Variants in PRLH observed in about 807,000 individuals in gnomAD.
PRLH encodes prolactin releasing hormone.
A neutral mutation model predicts 3.2 loss-of-function variants in PRLH; 6 were observed. The observed-to-expected ratio is 1.86, with a 90% CI of 1.02 to 3.66. The LOEUF (loss-of-function observed/expected upper bound fraction) is 3.66, where lower values mean the gene tolerates loss of function less well. PRLH is among the 30% of genes most tolerant of loss of function. The pLI is 0.00. For missense variants in PRLH, 145 were observed against 122.6 expected (o/e 1.18, Z -0.86); for synonymous variants, 65 against 51.1 (o/e 1.27, Z -1.16).
intron 1 of PRLH, 138 bp from the exon 2 acceptor site, chr2:237,566,874 G>A: frequency 7.5e-7 from 1 of 1,335,752 alleles, no homozygotes; most frequent in Non-Finnish European, 1.0e-6. Flanking sequence ...CTGGGTGCCT[G>A]TTCCTCGGGT....
rs1178958498 is a variant in PRLH at position 237,566,679 on chromosome 2, T to C, written c.100+6T>C. On this transcript the variant is annotated splice_donor_region_variant and intron_variant, in intron 1 of 1. Transcript: ENST00000165524. ...GCACTCCATGGAGATCCGCAGTGAG[T>C]GCCTGGACCCCTGTCAGCCTCCCTT... The C allele has an allele frequency of 1.9e-6, 3 of 1,550,730 alleles. No individual in the cohort carries two copies. In the South Asian group the frequency reaches 3.6e-5, roughly 18 times the overall value.
rs999502941 is a variant in PRLH at position 237,567,112 on chromosome 2, C to T, written c.201C>T (p.Gly67=). 6.2e-7 allele frequency: 1 copy of T among 1,614,092 alleles called. No individual in the cohort carries two copies. Reference sequence around the variant, plus strand: ...CCCTGGGGGACGTCCCCAAGCCTGGCCTGCGACCCCGGCTGACCTGCTTCC... The same window carrying T: ...CCCTGGGGGACGTCCCCAAGCCTGGTCTGCGACCCCGGCTGACCTGCTTCC... ...RATLGDVPKP[G]LRPRLTCFPL... Residue 67 remains glycine (G), a synonymous_variant, in exon 2 of 2, where the codon GGC becomes GGT. Coordinates refer to ENST00000165524, the MANE Select transcript of PRLH (RefSeq NM_015893.1).
chr2:237,566,678 G>A lies in PRLH; in HGVS notation c.100+5G>A. ...GGCACTCCATGGAGATCCGCAGTGA[G>A]TGCCTGGACCCCTGTCAGCCTCCCT... is the stretch of plus-strand genomic sequence containing the variant. On this transcript the variant is annotated splice_donor_5th_base_variant and intron_variant, in intron 1 of 1. Coordinates refer to ENST00000165524, the MANE Select transcript of PRLH (RefSeq NM_015893.1). 3 of 1,551,562 alleles carry A rather than the reference G, an allele frequency of 1.9e-6. No individual in the cohort carries two copies. The highest frequency in any genetic ancestry group is 2.6e-6 in the Non-Finnish European group (3 of 1,148,896).
Position 237,567,146 on chromosome 2 carries a change from G to T in PRLH, c.235G>T (p.Gly79Cys). The change falls in exon 2 of 2, where the codon GGC (glycine) becomes TGC (cysteine). Residue 79 changes from glycine (G) to cysteine (C), a missense_variant. By Grantham distance (159) the Gly-to-Cys change is radical (BLOSUM62 -3). Transcript: ENST00000165524. ...CCGGCTGACCTGCTTCCCCCTGGAA[G>T]GCGGTGCTATGTCGTCCCAGGATGG... ...RPRLTCFPLE[G>C]GAMSSQDG The T allele has an allele frequency of 6.2e-7, 1 of 1,613,716 alleles. No homozygotes were observed. Among genetic ancestry groups the T allele is most frequent in the Non-Finnish European group, 8.5e-7 (1 of 1,179,814 alleles).
chr2:237,566,813 C>A, intron 1 of PRLH, 140 bp downstream of exon 1: 1 of 1,138,328 alleles, frequency 8.8e-7, no homozygotes, highest in Non-Finnish European at 1.2e-6. Context: ...CTTTTTTGAA[C>A]TCCTGCTTCC....
rs769163724 is a variant in PRLH, at chr2:237,566,643, C to T, written c.70C>T (p.Arg24Cys). The T allele has an allele frequency of 4.5e-6, 7 of 1,569,500 alleles. No homozygotes were observed. Among genetic ancestry groups the T allele is most frequent in the Non-Finnish European group, 6.0e-6 (7 of 1,158,116 alleles). Reference protein sequence around the residue: ...LGLALRGAASRTHRHSMEIRT... With the variant: ...LGLALRGAASCTHRHSMEIRT... The stretch of plus-strand genomic sequence containing the variant: ...CCTGGCCCTGCGGGGAGCTGCAAGT[C>T]GTACCCATCGGCACTCCATGGAGAT... The change falls in exon 1 of 2, where the codon CGT (arginine) becomes TGT (cysteine). Residue 24 changes from arginine (R) to cysteine (C), a missense_variant. Transcript: ENST00000165524.
chr2:237,566,752 G>A, intron 1 of PRLH, 79 bp downstream of exon 1: 1 of 1,402,374 alleles, frequency 7.1e-7, no homozygotes, highest in Non-Finnish European at 9.7e-7. Context: ...GGTCGCTCGA[G>A]AACCTGGCAG....
chr2:237,567,096 A>T lies in PRLH; in HGVS notation c.185A>T (p.Asp62Val). 4 of 1,614,026 alleles carry T rather than the reference A, an allele frequency of 2.5e-6. No homozygotes were observed. The highest frequency in any genetic ancestry group is 3.4e-6 in the Non-Finnish European group (4 of 1,179,978). Residue 62 changes from aspartate (D) to valine (V), a missense_variant, in exon 2 of 2, where the codon GAC becomes GTC. By Grantham distance (152) the Asp-to-Val change is radical (BLOSUM62 -3). Coordinates refer to ENST00000165524, the MANE Select transcript of PRLH (RefSeq NM_015893.1). ...RFGRRRATLG[D>V]VPKPGLRPRL... ...GGTCGGAGGAGGGCAACCCTGGGGG[A>T]CGTCCCCAAGCCTGGCCTGCGACCC...
rs1465519124 is a variant in PRLH at position 237,566,690 on chromosome 2, CT to C, written c.100+18del. 1.3e-6 allele frequency: 2 copies of C among 1,545,412 alleles called. No individual in the cohort carries two copies. Among genetic ancestry groups the C allele is most frequent in the African/African-American group, 2.7e-5 (2 of 73,240 alleles). On this transcript the variant is annotated intron_variant, in intron 1 of 1. Coordinates refer to ENST00000165524, the MANE Select transcript of PRLH (RefSeq NM_015893.1). ...AGATCCGCAGTGAGTGCCTGGACCC[CT>C]GTCAGCCTCCCTTACCCCACCCTGC...
rs374821539 is a variant in PRLH, at chr2:237,566,689, C to G, written c.100+16C>G. ...GAGATCCGCAGTGAGTGCCTGGACCCCTGTCAGCCTCCCTTACCCCACCCT... is the reference window on the plus strand; with the variant it reads ...GAGATCCGCAGTGAGTGCCTGGACCGCTGTCAGCCTCCCTTACCCCACCCT... On this transcript the variant is annotated intron_variant, in intron 1 of 1. Coordinates refer to ENST00000165524, the MANE Select transcript of PRLH (RefSeq NM_015893.1). 6.9e-5 allele frequency: 107 copies of G among 1,545,988 alleles called. No homozygotes were observed. In the African/African-American group the frequency reaches 1.4e-3, roughly 20 times the overall value.
Position 237,566,671 on chromosome 2 carries a change from G to A in PRLH, c.98G>A (p.Arg33His), listed in dbSNP as rs766168277. 6.1e-5 allele frequency: 95 copies of A among 1,553,870 alleles called. No homozygotes were observed. Among genetic ancestry groups the A allele is most frequent in the Non-Finnish European group, 7.7e-5 (88 of 1,149,904 alleles). ...SRTHRHSMEI[R>H]TPDINPAWYA... is the part of the protein sequence containing the mutation. ...ACCCATCGGCACTCCATGGAGATCC[G>A]CAGTGAGTGCCTGGACCCCTGTCAG... Residue 33 changes from arginine (R) to histidine (H), a missense_variant and splice_region_variant, in exon 1 of 2, where the codon CGC becomes CAC. Transcript: ENST00000165524.
rs2081195739 is a variant in PRLH, at chr2:237,567,013, C to T, written c.102C>T (p.Thr34=). The T allele has an allele frequency of 1.2e-6, 2 of 1,613,822 alleles. No homozygotes were observed. Among genetic ancestry groups the T allele is most frequent in the Non-Finnish European group, 1.7e-6 (2 of 1,179,982 alleles). ...RTHRHSMEIR[T]PDINPAWYAS... ...CTGCTCCAGCTCTTTCCTTTCCAGC[C>T]CCTGACATCAATCCTGCCTGGTACG... The change falls in exon 2 of 2, where the codon ACC becomes ACT. Residue 34 remains threonine (T), a splice_region_variant and synonymous_variant. Coordinates refer to ENST00000165524, the MANE Select transcript of PRLH (RefSeq NM_015893.1).
Position 237,566,581 on chromosome 2 carries a change from T to G in PRLH, c.8T>G (p.Val3Gly). ...CCTCGGAGGAGCCAAGGGATGAAGG[T>G]GCTGAGGGCCTGGCTCCTGTGCCTG... MK[V>G]LRAWLLCLLM... is the part of the protein sequence containing the mutation. Residue 3 changes from valine (V) to glycine (G), a missense_variant, in exon 1 of 2, where the codon GTG (valine) becomes GGG (glycine). Val to Gly is a moderately radical substitution (Grantham distance 109). Transcript: ENST00000165524. 1 of 1,572,620 alleles carries G rather than the reference T, an allele frequency of 6.4e-7. No homozygotes were observed. Among genetic ancestry groups the G allele is most frequent in the Non-Finnish European group, 8.6e-7 (1 of 1,160,678 alleles).
chr2:237,566,650 A>G lies in PRLH; in HGVS notation c.77A>G (p.His26Arg), dbSNP rs1322558221. 4 of 1,566,550 alleles carry G rather than the reference A, an allele frequency of 2.6e-6. No individual in the cohort carries two copies. The highest frequency in any genetic ancestry group is 2.7e-5 in the African/African-American group (2 of 74,142). ...CTGCGGGGAGCTGCAAGTCGTACCC[A>G]TCGGCACTCCATGGAGATCCGCAGT... The part of the protein sequence containing the change: ...LALRGAASRT[H>R]RHSMEIRTPD... Residue 26 changes from histidine to arginine, a missense_variant, in exon 1 of 2, where the codon CAT becomes CGT. Physicochemically the swap from His to Arg is conservative, Grantham distance 29. Coordinates refer to ENST00000165524, the MANE Select transcript of PRLH (RefSeq NM_015893.1).
rs772156240 is a variant in PRLH, at chr2:237,567,022, C to G, written c.111C>G (p.Ile37Met). 1 of 1,614,062 alleles carries G rather than the reference C, an allele frequency of 6.2e-7. No homozygotes were observed. The highest frequency in any genetic ancestry group is 8.5e-7 in the Non-Finnish European group (1 of 1,179,980). Residue 37 changes from isoleucine to methionine, a missense_variant, in exon 2 of 2, where the codon ATC becomes ATG. Transcript: ENST00000165524. ...RHSMEIRTPD[I>M]NPAWYASRGI... The stretch of plus-strand genomic sequence containing the variant: ...CTCTTTCCTTTCCAGCCCCTGACAT[C>G]AATCCTGCCTGGTACGCCAGTCGCG...
intron 1 of PRLH, 22 bp from the exon 2 acceptor site, chr2:237,566,990 G>T: frequency 6.2e-7 from 1 of 1,612,810 alleles, no homozygotes; most frequent in African/African-American, 1.3e-5. Context: ...CCCATGGTCT[G>T]CTCCAGCTCT....
Position 237,567,025 on chromosome 2 carries a change from T to A in PRLH, c.114T>A (p.Asn38Lys). ...HSMEIRTPDI[N>K]PAWYASRGIR... ...TTTCCTTTCCAGCCCCTGACATCAA[T>A]CCTGCCTGGTACGCCAGTCGCGGGA... The change falls in exon 2 of 2, where the codon AAT becomes AAA. Residue 38 changes from asparagine to lysine, a missense_variant. Transcript: ENST00000165524. The A allele has an allele frequency of 6.2e-7, 1 of 1,613,978 alleles. No individual in the cohort carries two copies. The highest frequency in any genetic ancestry group is 1.3e-5 in the African/African-American group (1 of 75,026).
At chr2:237,566,704 T>C (rs2081194205) in intron 1 of PRLH, 31 bp downstream of exon 1, 1 of 1,536,788 alleles carries the variant, frequency 6.5e-7, no homozygotes, top group East Asian at 2.4e-5. Flanking sequence ...CAGCCTCCCT[T>C]ACCCCACCCT....
Position 237,566,585 on chromosome 2 carries a change from G to C in PRLH, c.12G>C (p.Leu4=), listed in dbSNP as rs2081193279. MKV[L]RAWLLCLLML... Reference sequence around the variant, plus strand: ...GGAGGAGCCAAGGGATGAAGGTGCTGAGGGCCTGGCTCCTGTGCCTGCTGA... The same window carrying C: ...GGAGGAGCCAAGGGATGAAGGTGCTCAGGGCCTGGCTCCTGTGCCTGCTGA... The change falls in exon 1 of 2, where the codon CTG becomes CTC. Residue 4 remains leucine (L), a synonymous_variant. Transcript: ENST00000165524. 7 of 1,574,454 alleles carry C rather than the reference G, an allele frequency of 4.4e-6. No homozygotes were observed. The highest frequency in any genetic ancestry group is 6.0e-6 in the Non-Finnish European group (7 of 1,161,562).
Sources: gnomAD v4.1 joint callset for allele counts on GRCh38, gnomAD v4.1.1 for gene constraint, MANE v1.5 for transcripts, NCBI Gene and HGNC (gene_info 2026-07-23, HGNC 2026-07-21) for gene names.